GABRG3: variants seen among roughly 807,000 people sequenced by gnomAD.
GABRG3 encodes gamma-aminobutyric acid type A receptor subunit gamma3, also known as gamma-aminobutyric acid receptor subunit gamma-3.
Under a neutral mutation model 48.8 loss-of-function variants are expected in GABRG3, and 25 were observed. The observed-to-expected ratio is 0.51, with a 90% CI of 0.37 to 0.72. GABRG3 has a LOEUF of 0.72. Among genes scored for constraint, GABRG3 ranks in the 30% least tolerant of loss-of-function variants. The pLI, the probability that GABRG3 is intolerant of heterozygous loss-of-function variation, is 0.00. For synonymous variants in GABRG3, 227 were observed against 217.6 expected, an observed-to-expected ratio of 1.04 and a Z score of -0.38; for missense variants, 394 against 577.9, an observed-to-expected ratio of 0.68 and a Z score of 3.26.
intron 3 of GABRG3, among the ~76,000 whole-genome samples, chr15:27,311,420 G>A (rs942376885): frequency 1.3e-5 from 2 of 152,100 alleles, no homozygotes; most frequent in Non-Finnish European, 2.9e-5. Flanking sequence ...CCTGGAGGAC[G>A]GGCTTCTGTC....
chr15:27,525,554 C>T (rs1374740894), intron 7 of GABRG3, among the ~76,000 whole-genome samples: 2 of 152,104 alleles, frequency 1.3e-5, no homozygotes, highest in South Asian at 4.1e-4. Context: ...GAGGATAAAG[C>T]ACACGGCCAT....
intron 5 of GABRG3, among the ~76,000 whole-genome samples, chr15:27,401,701 T>C (rs1887480074): frequency 6.6e-6 from 1 of 152,232 alleles, no homozygotes; most frequent in Non-Finnish European, 1.5e-5. Flanking sequence ...AGCTGGACTG[T>C]AGATTAACTG....
At chr15:27,476,036 G>C (rs558451314) in intron 5 of GABRG3, among the ~76,000 whole-genome samples, 7 of 152,216 alleles carry the variant, frequency 4.6e-5, no homozygotes, top group African/African-American at 1.7e-4. Flanking sequence ...AGGAGACCCG[G>C]CTCAAAAGAA....
At chr15:27,019,228 C>A (rs1895840424) in intron 2 of GABRG3, among the ~76,000 whole-genome samples, 1 of 151,906 alleles carries the variant, frequency 6.6e-6, no homozygotes, top group Non-Finnish European at 1.5e-5. Context: ...GCCACCACGC[C>A]TGGCTAATTT....
chr15:27,186,836 A>G (rs1888114007), intron 3 of GABRG3, among the ~76,000 whole-genome samples: 1 of 151,918 alleles, frequency 6.6e-6, no homozygotes, highest in Non-Finnish European at 1.5e-5. Flanking sequence ...CAATGGGGTT[A>G]TTTGTTTTTT....
intron 3 of GABRG3, among the ~76,000 whole-genome samples, chr15:27,214,087 G>A (rs9972311): frequency 0.39 from 58,916 of 152,068 alleles, 11,891 homozygotes; most frequent in South Asian, 0.53. Flanking sequence ...GCTAACTGAG[G>A]CAATCTGGAG....
chr15:27,064,989 T>C (rs1340629095), intron 3 of GABRG3, among the ~76,000 whole-genome samples: 1 of 152,180 alleles, frequency 6.6e-6, no homozygotes, highest in Non-Finnish European at 1.5e-5. Context: ...GTTCCTCCAA[T>C]AGAGTCACCA....
intron 3 of GABRG3, among the ~76,000 whole-genome samples, chr15:27,114,444 T>C (rs545881130): frequency 9.2e-5 from 14 of 152,326 alleles, no homozygotes; most frequent in African/African-American, 3.4e-4. Flanking sequence ...CTTTCTCCCA[T>C]GGTTGGAGAT....
chr15:27,410,844 TCGTGTGTG>T (rs1481898841), intron 5 of GABRG3, among the ~76,000 whole-genome samples: 4 of 95,392 alleles, frequency 4.2e-5, no homozygotes, highest in Admixed American at 1.2e-4. Flanking sequence ...GTGCGCACGC[TCGTGTGTG>T]TGTGTGTGTG....
At chr15:27,032,877 C>T (rs756117633) in intron 3 of GABRG3, among the ~76,000 whole-genome samples, 1 of 152,216 alleles carries the variant, frequency 6.6e-6, no homozygotes, top group South Asian at 2.1e-4. Flanking sequence ...TGGGGCTGAC[C>T]TGCAGTCTTG....
chr15:27,359,945 T>A (rs1894966868), intron 5 of GABRG3, among the ~76,000 whole-genome samples: 1 of 152,212 alleles, frequency 6.6e-6, no homozygotes, highest in Non-Finnish European at 1.5e-5. Context: ...ACCTACTTTG[T>A]TCCTCAATTG....
intron 3 of GABRG3, among the ~76,000 whole-genome samples, chr15:27,291,437 C>G (rs567285075): frequency 6.6e-6 from 1 of 152,268 alleles, no homozygotes; most frequent in African/African-American, 2.4e-5. Context: ...GTAACCTTGG[C>G]TTTTGTGCTA....
At chr15:27,409,831 T>C (rs1182377377) in intron 5 of GABRG3, among the ~76,000 whole-genome samples, 1 of 152,160 alleles carries the variant, frequency 6.6e-6, no homozygotes, top group African/African-American at 2.4e-5. Context: ...TTCTAGGAGT[T>C]AGTTTTTTTA....
At chr15:27,085,140 T>C (rs2140748081) in intron 3 of GABRG3, among the ~76,000 whole-genome samples, 1 of 152,358 alleles carries the variant, frequency 6.6e-6, no homozygotes, top group South Asian at 2.1e-4. Context: ...TCAAGGCTGG[T>C]GTGAACAGTC....
At chr15:27,464,781 C>T (rs933745831) in intron 5 of GABRG3, among the ~76,000 whole-genome samples, 1 of 152,230 alleles carries the variant, frequency 6.6e-6, no homozygotes, top group Admixed American at 6.5e-5. Context: ...TATTTAAATT[C>T]TTTGCCCATT....
In GABRG3 at chr15:27,480,745, A is replaced by G. The variant is rs1359177800; in HGVS notation, c.670A>G (p.Met224Val). Residue 224 changes from methionine (M) to valine (V), a missense_variant, in exon 6 of 10, where the codon ATG becomes GTG. Physicochemically the swap from Met to Val is conservative, Grantham distance 21. This residue lies in a region of GABRG3 where 218 missense variants were observed against 309.9 expected (regional missense o/e 0.70). Transcript: ENST00000615808. Reference protein sequence around the residue: ...KSWRLYQFDFMGLRNTTEIVT... With the variant: ...KSWRLYQFDFVGLRNTTEIVT... ...ATGGCGGCTTTATCAGTTTGACTTC[A>G]TGGGCCTCAGAAACACCACAGAAAT... 5 of 1,613,802 alleles carry G rather than the reference A, an allele frequency of 3.1e-6. No individual in the cohort carries two copies. The highest frequency in any genetic ancestry group is 3.4e-6 in the Non-Finnish European group (4 of 1,179,806).
At chr15:27,452,257 G>A (rs1270729053) in intron 5 of GABRG3, among the ~76,000 whole-genome samples, 2 of 152,268 alleles carry the variant, frequency 1.3e-5, no homozygotes, top group East Asian at 1.9e-4. Context: ...GTGAAGAAAA[G>A]GGAACCATTG....
chr15:27,176,976 G>A (rs189197192), intron 3 of GABRG3, among the ~76,000 whole-genome samples: 5 of 152,306 alleles, frequency 3.3e-5, no homozygotes, highest in South Asian at 4.2e-4. Flanking sequence ...CAGCAGTGTT[G>A]CAATAGAGAG....
intron 3 of GABRG3, among the ~76,000 whole-genome samples, chr15:27,029,581 C>A (rs1896046639): frequency 6.6e-6 from 1 of 152,128 alleles, no homozygotes; most frequent in Admixed American, 6.5e-5. Context: ...TGTTTAATTC[C>A]CATGTTCTCC....
Sources: gnomAD v4.1 joint callset for allele counts (sites outside exome capture counted in the v4.1 genomes callset) on GRCh38, gnomAD v4.1.1 for gene constraint, gnomAD v4.1.1 regional missense constraint, MANE v1.5 for transcripts, NCBI Gene and HGNC (gene_info 2026-07-23, HGNC 2026-07-21) for gene names.